AGBL1: variants seen among roughly 807,000 people sequenced by gnomAD.
AGBL1 encodes AGBL carboxypeptidase 1, also known as cytosolic carboxypeptidase 4.
In AGBL1, 130 loss-of-function variants were observed where a neutral mutation model predicts 118.9. The ratio of observed to expected loss-of-function variants is 1.09; its 90% CI spans 0.95 to 1.26. The LOEUF (loss-of-function observed/expected upper bound fraction) is 1.26, where lower values mean the gene tolerates loss of function less well. Among genes scored for constraint, AGBL1 ranks in the 50% most tolerant of loss-of-function variants. The pLI is 0.00. For synonymous variants in AGBL1, 555 were observed against 478.9 expected (o/e 1.16, Z -2.08); for missense variants, 1,584 against 1,298.1 (o/e 1.22, Z -3.38).
chr15:86,438,953 G>T (rs2082030114), intron 18 of AGBL1, among the ~76,000 whole-genome samples: 1 of 152,094 alleles, frequency 6.6e-6, no homozygotes, highest in Admixed American at 6.6e-5. Context: ...GAGCCACTGT[G>T]CATGGTCTGA....
chr15:86,699,437 G>A (rs1440833210), intron 22 of AGBL1, among the ~76,000 whole-genome samples: 1 of 151,874 alleles, frequency 6.6e-6, no homozygotes. Flanking sequence ...ATAGCAATAG[G>A]GGACAAATAC....
chr15:86,207,491 G>C (rs1196699168), intron 5 of AGBL1, among the ~76,000 whole-genome samples: 1 of 152,072 alleles, frequency 6.6e-6, no homozygotes, highest in East Asian at 1.9e-4. Context: ...ATCTCGTTGA[G>C]CAGTGGTTTG....
chr15:86,665,170 G>A (rs80230869), intron 21 of AGBL1, among the ~76,000 whole-genome samples: 29 of 152,090 alleles, frequency 1.9e-4, no homozygotes, highest in East Asian at 1.7e-3. Context: ...ATATTTCCAC[G>A]GTGTGAATTC....
At chr15:86,145,775 T>C (rs1380520777) in intron 3 of AGBL1, among the ~76,000 whole-genome samples, 2 of 152,234 alleles carry the variant, frequency 1.3e-5, no homozygotes, top group African/African-American at 4.8e-5. Context: ...AACACCATGA[T>C]GACCAAGGCA....
intron 22 of AGBL1, among the ~76,000 whole-genome samples, chr15:86,840,694 C>T (rs2141436067): frequency 6.6e-6 from 1 of 152,198 alleles, no homozygotes. Flanking sequence ...CCCACCTCAG[C>T]CTCCCAAAGT....
chr15:86,454,003 C>T (rs2082230392), intron 18 of AGBL1, among the ~76,000 whole-genome samples: 1 of 152,132 alleles, frequency 6.6e-6, no homozygotes, highest in Admixed American at 6.5e-5. Context: ...CTATTTTTTA[C>T]TCTTTCTTGT....
At chr15:86,352,609 G>A (rs900080608) in intron 17 of AGBL1, among the ~76,000 whole-genome samples, 1 of 152,014 alleles carries the variant, frequency 6.6e-6, no homozygotes, top group Non-Finnish European at 1.5e-5. Context: ...AGTCTCCCGA[G>A]GGGCTGGGAT....
intron 22 of AGBL1, among the ~76,000 whole-genome samples, chr15:86,825,274 C>T (rs1230079984): frequency 1.3e-5 from 2 of 150,926 alleles, no homozygotes; most frequent in East Asian, 2.0e-4. Flanking sequence ...AGTCTTGATA[C>T]CAAAAGCATG....
intron 23 of AGBL1, among the ~76,000 whole-genome samples, chr15:86,965,918 G>C (rs930383797): frequency 3.9e-5 from 6 of 152,018 alleles, no homozygotes; most frequent in African/African-American, 7.3e-5. Flanking sequence ...CGGGTTGATG[G>C]TTGCAGCAAA....
chr15:86,802,758 G>T (rs759778064), intron 22 of AGBL1, among the ~76,000 whole-genome samples: 1 of 152,092 alleles, frequency 6.6e-6, no homozygotes, highest in Admixed American at 6.6e-5. Flanking sequence ...TGAGGTAAAG[G>T]TGAGCTATAA....
At chr15:86,177,938 T>C (rs935167781) in intron 5 of AGBL1, among the ~76,000 whole-genome samples, 3 of 152,024 alleles carry the variant, frequency 2.0e-5, no homozygotes, top group Non-Finnish European at 2.9e-5. Context: ...AAAATCAGAA[T>C]AGAAATAAAT....
chr15:87,027,232 A>G (rs1013103396), intron 24 of AGBL1, among the ~76,000 whole-genome samples: 4 of 152,096 alleles, frequency 2.6e-5, no homozygotes, highest in African/African-American at 9.7e-5. Context: ...ACAATGAGAT[A>G]TCATCTCACA....
chr15:86,176,779 T>C (rs1429113045), intron 5 of AGBL1, among the ~76,000 whole-genome samples: 1 of 152,164 alleles, frequency 6.6e-6, no homozygotes, highest in Non-Finnish European at 1.5e-5. Flanking sequence ...AACAATGTCA[T>C]GGTATGAACT....
intron 5 of AGBL1, among the ~76,000 whole-genome samples, chr15:86,205,848 C>A (rs1296181260): frequency 6.6e-6 from 1 of 152,130 alleles, no homozygotes; most frequent in African/African-American, 2.4e-5. Flanking sequence ...TTTGATTATA[C>A]TTTAAGTTCT....
At chr15:86,955,650 A>G (rs915098643) in intron 23 of AGBL1, among the ~76,000 whole-genome samples, 1 of 152,160 alleles carries the variant, frequency 6.6e-6, no homozygotes, top group Non-Finnish European at 1.5e-5. Flanking sequence ...TAAAATCAAC[A>G]AAAGTTTTTA....
intron 4 of AGBL1, among the ~76,000 whole-genome samples, chr15:86,158,703 G>A (rs1018363548): frequency 1.3e-5 from 2 of 152,208 alleles, no homozygotes; most frequent in South Asian, 2.1e-4. Flanking sequence ...TGAGCAGGAA[G>A]AACTGATTCT....
intron 22 of AGBL1, among the ~76,000 whole-genome samples, chr15:86,695,047 G>A (rs981296981): frequency 1.3e-5 from 2 of 151,998 alleles, no homozygotes; most frequent in East Asian, 3.9e-4. Context: ...ATATTGGTCT[G>A]TAGTTTTCTT....
intron 24 of AGBL1, among the ~76,000 whole-genome samples, chr15:87,019,856 A>AATAG (rs1438801339): frequency 6.6e-6 from 1 of 152,010 alleles, no homozygotes; most frequent in African/African-American, 2.4e-5. Flanking sequence ...AAAATAATAA[A>AATAG]ATAGATATAC....
chr15:86,353,485 C>A (rs912766279), intron 17 of AGBL1, among the ~76,000 whole-genome samples: 1 of 152,098 alleles, frequency 6.6e-6, no homozygotes, highest in Non-Finnish European at 1.5e-5. Flanking sequence ...TTAATGAAAC[C>A]CATCATGATT....
Sources: allele counts gnomAD v4.1 joint callset (sites outside exome capture counted in the v4.1 genomes callset), GRCh38; gene constraint gnomAD v4.1.1; transcripts MANE v1.5; gene names NCBI Gene and HGNC (gene_info 2026-07-23, HGNC 2026-07-21).